RAB29: variants seen among roughly 807,000 people sequenced by gnomAD.
RAB29 encodes the protein ras-related protein Rab-29.
RAB29 carries 13 observed loss-of-function variants against 25.5 expected under a neutral mutation model. The ratio of observed to expected loss-of-function variants is 0.51; its 90% CI spans 0.33 to 0.81. RAB29 has a LOEUF of 0.81. RAB29 is among the 30% of genes least tolerant of loss of function. RAB29 has a pLI of 0.02. For synonymous variants in RAB29, 88 were observed against 95.0 expected, an observed-to-expected ratio of 0.93 and a Z score of 0.43; for missense variants, 201 against 254.9, an observed-to-expected ratio of 0.79 and a Z score of 1.44.
chr1:205,770,799 T>C lies in RAB29; in HGVS notation c.434A>G (p.Glu145Gly). The C allele has an allele frequency of 1.2e-6, 2 of 1,614,202 alleles. No individual in the cohort carries two copies. Among genetic ancestry groups the C allele is most frequent in the Non-Finnish European group, 1.7e-6 (2 of 1,180,038 alleles). ...SRDQIDRFSK[E>G]NGFTGWTETS... ...TTCTGTCCAACCTGTGAAACCGTTC[T>C]CTTTACTGAACCGGTCAATCTGGTC... is the stretch of plus-strand genomic sequence containing the variant. Residue 145 changes from glutamate (E) to glycine (G), a missense_variant, in exon 5 of 6, where the codon GAG (glutamate) becomes GGG (glycine). Physicochemically the swap from Glu to Gly is moderately conservative, Grantham distance 98. Coordinates refer to ENST00000367139, the MANE Select transcript of RAB29 (RefSeq NM_003929.3).
chr1:205,773,716 G>C (rs1288380991), intron 2 of RAB29, among the ~76,000 whole-genome samples: 1 of 152,028 alleles, frequency 6.6e-6, no homozygotes, highest in Non-Finnish European at 1.5e-5. Flanking sequence ...TGTTTCCCAT[G>C]GCTGGTCTCG....
At chr1:205,773,955 GA>G (rs1447654646) in intron 2 of RAB29, among the ~76,000 whole-genome samples, 2 of 152,104 alleles carry the variant, frequency 1.3e-5, no homozygotes, top group Non-Finnish European at 2.9e-5. Flanking sequence ...TTAACAGAGA[GA>G]AATAAAATTT....
In RAB29 at chr1:205,771,526, G is replaced by C. The variant is rs1655015097; in HGVS notation, c.324C>G (p.Ser108Arg). The change falls in exon 4 of 6, where the codon AGC becomes AGG. Residue 108 changes from serine to arginine, a missense_variant. Transcript: ENST00000367139. ...NSQRWKQDLD[S>R]KLTLPNGEPV... is the part of the protein sequence containing the mutation. ...GCTCTCCATTGGGTAGTGTGAGCTT[G>C]CTGTCTAGGTCCTGTTTCCACCTCT... 1.2e-6 allele frequency: 2 copies of C among 1,614,200 alleles called. No homozygotes were observed. Among genetic ancestry groups the C allele is most frequent in the Non-Finnish European group, 1.7e-6 (2 of 1,180,042 alleles).
intron 2 of RAB29, 40 bp downstream of exon 2, chr1:205,774,793 C>CCACCAG: frequency 4.0e-6 from 5 of 1,245,292 alleles, no homozygotes; most frequent in Non-Finnish European, 5.7e-6. Context: ...GTCGGGGCCT[C>CCACCAG]CTCCTCCCCC....
At chr1:205,773,830 G>A (rs1375799570) in intron 2 of RAB29, among the ~76,000 whole-genome samples, 1 of 152,114 alleles carries the variant, frequency 6.6e-6, no homozygotes, top group Non-Finnish European at 1.5e-5. Context: ...TAAGGAGAAT[G>A]TTTTAATTGC....
intron 4 of RAB29, 116 bp downstream of exon 4, chr1:205,771,356 G>A: frequency 8.5e-7 from 1 of 1,169,698 alleles, no homozygotes; most frequent in Non-Finnish European, 1.3e-6. Flanking sequence ...GAAGGAGGTA[G>A]AGATGATTTT....
intron 5 of RAB29, 60 bp downstream of exon 5, chr1:205,770,673 T>A: frequency 6.2e-7 from 1 of 1,609,494 alleles, no homozygotes; most frequent in Non-Finnish European, 8.5e-7. Flanking sequence ...GAAAAGAGGG[T>A]CCACAGGGCC....
intron 5 of RAB29, 98 bp from the exon 6 acceptor site, chr1:205,770,551 CAGA>C: frequency 7.1e-7 from 1 of 1,416,708 alleles, no homozygotes; most frequent in Admixed American, 1.9e-5. Context: ...TTGGTAAAGC[CAGA>C]AGGTTTAAAT....
At position 205,774,820 on chromosome 1, in the gene RAB29, C is replaced by CCCCCCG; in HGVS notation, c.124+12_124+13insCGGGGG. On this transcript the variant is annotated intron_variant, in intron 2 of 5. Transcript: ENST00000367139. ...TCCTCCCCCTCCCCCTCCCCACCCC[C>CCCCCCG]GAGACGTCTCACCTCCCACCGTGGA... 1 of 1,568,768 alleles carries CCCCCCG rather than the reference C, an allele frequency of 6.4e-7. No homozygotes were observed. The highest frequency in any genetic ancestry group is 8.7e-7 in the Non-Finnish European group (1 of 1,152,668).
In RAB29 at chr1:205,771,774, T is replaced by C. The variant is rs1046054825; in HGVS notation, c.197-121A>G. 3 of 997,530 alleles carry C rather than the reference T, an allele frequency of 3.0e-6. No homozygotes were observed. The African/African-American group carries it at 4.8e-5, about 16-fold the overall frequency. 61.8% of individuals were successfully genotyped at this position (997,530 alleles called of 1,614,324 possible). On this transcript the variant is annotated intron_variant, in intron 3 of 5. Transcript: ENST00000367139. ...CCACTCACTTTCCCCCTCTGACTCT[T>C]GGTTTTCTATCCCATAAAGGGATAA...
intron 3 of RAB29, 132 bp from the exon 4 acceptor site, chr1:205,771,785 C>A: frequency 2.2e-6 from 2 of 913,284 alleles, no homozygotes; most frequent in South Asian, 1.4e-5. Context: ...GGTTTTCTAT[C>A]CCATAAAGGG....
intron 2 of RAB29, 31 bp downstream of exon 2, chr1:205,774,802 C>CCCG: frequency 1.4e-6 from 2 of 1,426,322 alleles, no homozygotes; most frequent in Non-Finnish European, 1.9e-6. Context: ...TCCTCCTCCC[C>CCCG]CTCCCCCTCC....
intron 2 of RAB29, among the ~76,000 whole-genome samples, chr1:205,773,818 C>T (rs1005351096): frequency 2.4e-4 from 36 of 152,034 alleles, no homozygotes; most frequent in African/African-American, 8.7e-4. Context: ...ACTGGGGGTT[C>T]TTAAGGAGAA....
chr1:205,774,794 CT>C, intron 2 of RAB29, 38 bp downstream of exon 2: 1 of 1,419,270 alleles, frequency 7.0e-7, no homozygotes, highest in Non-Finnish European at 9.7e-7. Flanking sequence ...TCGGGGCCTC[CT>C]CCTCCCCCTC....
chr1:205,775,069 A>G lies in RAB29; in HGVS notation c.-113T>C. 7.3e-7 allele frequency: 1 copy of G among 1,371,798 alleles called. No individual in the cohort carries two copies. The highest frequency in any genetic ancestry group is 2.4e-5 in the East Asian group (1 of 42,422). 85.0% of individuals were successfully genotyped at this position (1,371,798 alleles called of 1,614,324 possible). Reference sequence around the variant, plus strand: ...CTTCAAACTGAAGTGAGGCATTCCCACCCACCGCCTGTCTGGGCTGCTCTG... The same window carrying G: ...CTTCAAACTGAAGTGAGGCATTCCCGCCCACCGCCTGTCTGGGCTGCTCTG... On this transcript the variant is annotated 5_prime_UTR_variant, in exon 2 of 6. Coordinates refer to ENST00000367139, the MANE Select transcript of RAB29 (RefSeq NM_003929.3).
rs765444950 is a variant in RAB29 at position 205,774,927 on chromosome 1, C to A, written c.30G>T (p.Val10=). The change falls in exon 2 of 6, where the codon GTG becomes GTT. Residue 10 remains valine, a synonymous_variant. Coordinates refer to ENST00000367139, the MANE Select transcript of RAB29 (RefSeq NM_003929.3). MGSRDHLFK[V]LVVGDAAVGK... is the part of the protein sequence containing the mutation. ...CCACTGCGGCGTCCCCCACCACCAGCACTTTGAACAGGTGGTCGCGGCTGC... is the reference window on the plus strand; with the variant it reads ...CCACTGCGGCGTCCCCCACCACCAGAACTTTGAACAGGTGGTCGCGGCTGC... 1.2e-6 allele frequency: 2 copies of A among 1,613,936 alleles called. No individual in the cohort carries two copies. Among genetic ancestry groups the A allele is most frequent in the South Asian group, 2.2e-5 (2 of 91,082 alleles).
chr1:205,772,938 T>C (rs1342186345), intron 2 of RAB29, among the ~76,000 whole-genome samples: 1 of 152,076 alleles, frequency 6.6e-6, no homozygotes, highest in African/African-American at 2.4e-5. Flanking sequence ...AAGGGGGAAA[T>C]GAGACAAGTG....
chr1:205,771,083 G>C (rs1654970716), intron 4 of RAB29: 5 of 518,030 alleles, frequency 9.7e-6, no homozygotes, highest in African/African-American at 7.7e-5. Flanking sequence ...CAGATCATGA[G>C]GTCAGGAGAG....
At chr1:205,770,490 G>A (rs774763368) in intron 5 of RAB29, 37 bp from the exon 6 acceptor site, 57 of 1,567,442 alleles carry the variant, frequency 3.6e-5, no homozygotes, top group Non-Finnish European at 4.9e-5. Context: ...AGCTTATTTT[G>A]GAGGAAAAGC....
Sources: gnomAD v4.1 joint callset for allele counts (sites outside exome capture counted in the v4.1 genomes callset) on GRCh38, gnomAD v4.1.1 for gene constraint, MANE v1.5 for transcripts, NCBI Gene and HGNC (gene_info 2026-07-23, HGNC 2026-07-21) for gene names.